Variants in SULT1B1 observed in about 807,000 individuals in gnomAD.
SULT1B1 encodes the protein sulfotransferase 1B1.
A neutral mutation model predicts 34.6 loss-of-function variants in SULT1B1; 28 were observed. The ratio of observed to expected loss-of-function variants is 0.81; its 90% CI spans 0.60 to 1.11. The LOEUF is 1.11. SULT1B1 is among the 50% of genes least tolerant of loss of function. The pLI is 0.00. For synonymous variants in SULT1B1, 147 were observed against 110.2 expected, an observed-to-expected ratio of 1.33 and a Z score of -2.09; for missense variants, 374 against 352.2, an observed-to-expected ratio of 1.06 and a Z score of -0.50.
Position 69,730,592 on chromosome 4 carries a change from T to G in SULT1B1, c.687A>C (p.Ser229=). The change falls in exon 7 of 8, where the codon TCA becomes TCC. Residue 229 remains serine (S), a synonymous_variant. Transcript: ENST00000310613. ...EILDRIIHHT[S]FEVMKDNPLV... is the part of the protein sequence containing the mutation. ...AAGGATTGTCCTTCATCACTTCAAA[T>G]GAGGTGTGATGGATGATCCTATCCA... is the stretch of plus-strand genomic sequence containing the variant. The G allele has an allele frequency of 1.2e-6, 2 of 1,613,208 alleles. No individual in the cohort carries two copies. The highest frequency in any genetic ancestry group is 1.7e-6 in the Non-Finnish European group (2 of 1,179,506).
chr4:69,751,072 T>C (rs962739473), intron 3 of SULT1B1, among the ~76,000 whole-genome samples: 4 of 152,262 alleles, frequency 2.6e-5, no homozygotes, highest in Middle Eastern at 3.2e-3. Flanking sequence ...AATTAATTAA[T>C]TGTCCTGTAT....
chr4:69,759,504 A>AAT, intron 1 of SULT1B1, among the ~76,000 whole-genome samples: 1 of 152,300 alleles, frequency 6.6e-6, no homozygotes, highest in East Asian at 1.9e-4. Flanking sequence ...GCTGTTTGTG[A>AAT]ATATATGCTA....
chr4:69,758,677 C>T (rs1175243041), intron 1 of SULT1B1, among the ~76,000 whole-genome samples: 2 of 152,118 alleles, frequency 1.3e-5, no homozygotes, highest in Non-Finnish European at 2.9e-5. Context: ...GGAGCTGATA[C>T]CCTTTTCATA....
chr4:69,739,517 A>T (rs1718455129), intron 4 of SULT1B1, among the ~76,000 whole-genome samples: 1 of 152,206 alleles, frequency 6.6e-6, no homozygotes, highest in African/African-American at 2.4e-5. Flanking sequence ...CAGGTCACCA[A>T]GTCCCTAGAC....
intron 4 of SULT1B1, among the ~76,000 whole-genome samples, chr4:69,746,470 C>T (rs1014843626): frequency 1.3e-5 from 2 of 152,068 alleles, no homozygotes; most frequent in Non-Finnish European, 2.9e-5. Flanking sequence ...CTCTGATATT[C>T]TTTTCTCAGC....
chr4:69,756,938 C>G (rs1461927117), intron 1 of SULT1B1, among the ~76,000 whole-genome samples: 2 of 150,454 alleles, frequency 1.3e-5, no homozygotes, highest in African/African-American at 4.9e-5. Context: ...AAATTTTAAT[C>G]TCATCTGAAA....
intron 3 of SULT1B1, among the ~76,000 whole-genome samples, chr4:69,751,744 G>T (rs1306884618): frequency 6.6e-6 from 1 of 152,126 alleles, no homozygotes; most frequent in Non-Finnish European, 1.5e-5. Context: ...GAGCCACCGC[G>T]CCCGGCCTAG....
rs1250221927 is a variant in SULT1B1, at chr4:69,734,143, C to T, written c.497G>A (p.Gly166Glu). The T allele has an allele frequency of 1.9e-6, 3 of 1,607,420 alleles. No homozygotes were observed. In the Admixed American group the frequency reaches 5.0e-5, roughly 27 times the overall value. Residue 166 changes from glycine (G) to glutamate (E), a missense_variant, in exon 5 of 8, where the codon GGA (glycine) becomes GAA (glutamate). Coordinates refer to ENST00000310613, the MANE Select transcript of SULT1B1 (RefSeq NM_014465.4). ...TTAAGATAAAGTCCACATACCTTTT[C>T]CAGTTAAGAATTTCTCCAGATATTC... ...WEEYLEKFLT[G>E]KVAYGSWFTH...
intron 3 of SULT1B1, among the ~76,000 whole-genome samples, chr4:69,751,940 A>G (rs145583497): frequency 7.9e-5 from 12 of 152,304 alleles, no homozygotes; most frequent in Middle Eastern, 3.4e-3. Flanking sequence ...ATGGTTCTGA[A>G]GTCTTGCCTC....
intron 4 of SULT1B1, among the ~76,000 whole-genome samples, chr4:69,745,176 G>A (rs1183294196): frequency 6.6e-6 from 1 of 152,244 alleles, no homozygotes; most frequent in African/African-American, 2.4e-5. Context: ...CATACAATAT[G>A]TGCCATCTGC....
chr4:69,755,156 G>T lies in SULT1B1; in HGVS notation c.62C>A (p.Thr21Asn), dbSNP rs547319603. 9 of 1,613,928 alleles carry T rather than the reference G, an allele frequency of 5.6e-6. 1 individual carries two copies. The East Asian group carries it at 1.3e-4, about 24-fold the overall frequency. Residue 21 changes from threonine to asparagine, a missense_variant, in exon 2 of 8, where the codon ACC (threonine) becomes AAC (asparagine). By Grantham distance (65) the Thr-to-Asn change is moderately conservative. Coordinates refer to ENST00000310613, the MANE Select transcript of SULT1B1 (RefSeq NM_014465.4). The stretch of plus-strand genomic sequence containing the variant: ...TTCCCAGTTGCTTGCAAAAGCACAG[G>T]TCATGGGATAACCATGGACCAACTT... ...DLKLVHGYPM[T>N]CAFASNWEKI...
At chr4:69,735,304 C>T (rs1256620443) in intron 4 of SULT1B1, among the ~76,000 whole-genome samples, 2 of 152,122 alleles carry the variant, frequency 1.3e-5, no homozygotes, top group East Asian at 3.9e-4. Flanking sequence ...GAACCATTTA[C>T]AGGCATACAC....
At position 69,747,830 on chromosome 4, in the gene SULT1B1, G is replaced by A. The variant is rs553582251; in HGVS notation, c.375+1891C>T. ...TTCTCTAGGAGCTGTGCGGGGCCAG[G>A]AATGAGTCATGGTGCTCAGCAAACC... is the stretch of plus-strand genomic sequence containing the variant. On this transcript the variant is annotated intron_variant, in intron 4 of 7. Coordinates refer to ENST00000310613, the MANE Select transcript of SULT1B1 (RefSeq NM_014465.4). Among the ~76,000 whole-genome samples the A allele has an allele frequency of 2.6e-5, 4 of 152,260 alleles. No homozygotes were observed. The South Asian group carries it at 8.3e-4, about 32-fold the overall frequency.
intron 1 of SULT1B1, among the ~76,000 whole-genome samples, chr4:69,756,958 C>T (rs1719214147): frequency 7.9e-6 from 1 of 125,972 alleles, no homozygotes; most frequent in East Asian, 2.1e-4. Flanking sequence ...AACACCCTCA[C>T]AGACACACAC....
At chr4:69,759,804 T>A (rs567872335) in intron 1 of SULT1B1, among the ~76,000 whole-genome samples, 23 of 152,346 alleles carry the variant, frequency 1.5e-4, no homozygotes, top group Non-Finnish European at 3.1e-4. Context: ...AAATTATACA[T>A]GGGATCTCAA....
At chr4:69,744,983 A>C (rs1042526755) in intron 4 of SULT1B1, among the ~76,000 whole-genome samples, 2 of 152,098 alleles carry the variant, frequency 1.3e-5, no homozygotes, top group African/African-American at 4.8e-5. Flanking sequence ...CCTTAATTTC[A>C]TTATTTACAT....
At chr4:69,747,633 C>G (rs1383329104) in intron 4 of SULT1B1, among the ~76,000 whole-genome samples, 1 of 152,214 alleles carries the variant, frequency 6.6e-6, no homozygotes, top group African/African-American at 2.4e-5. Flanking sequence ...TGCAGCTATT[C>G]CTGCACCAAA....
chr4:69,749,284 T>C (rs1238505552), intron 4 of SULT1B1, among the ~76,000 whole-genome samples: 2 of 151,954 alleles, frequency 1.3e-5, no homozygotes, highest in Non-Finnish European at 2.9e-5. Flanking sequence ...AAAAGTCAGA[T>C]AAGAAAAAAA....
chr4:69,728,636 G>GGAAGGAAA (rs1420239629), intron 7 of SULT1B1, among the ~76,000 whole-genome samples: 1 of 68 alleles, frequency 0.015, no homozygotes, highest in African/African-American at 0.1. Context: ...GATACATCAG[G>GGAAGGAAA]GAAGGAAGGA....
Sources: gnomAD v4.1 joint callset for allele counts (sites outside exome capture counted in the v4.1 genomes callset) on GRCh38, gnomAD v4.1.1 for gene constraint, MANE v1.5 for transcripts, NCBI Gene and HGNC (gene_info 2026-07-23, HGNC 2026-07-21) for gene names.